SNTG1: variants seen among roughly 807,000 people sequenced by gnomAD.
SNTG1 encodes gamma-1-syntrophin.
SNTG1 carries 39 observed loss-of-function variants against 74.7 expected under a neutral mutation model. That is an observed-to-expected ratio of 0.52 (90% confidence interval 0.40 to 0.68). The LOEUF (loss-of-function observed/expected upper bound fraction) is 0.68. SNTG1 is among the 30% of genes least tolerant of loss of function. The pLI is 0.00. For synonymous variants in SNTG1, 254 were observed against 217.1 expected, an observed-to-expected ratio of 1.17 and a Z score of -1.49; for missense variants, 685 against 609.5, an observed-to-expected ratio of 1.12 and a Z score of -1.30.
intron 2 of SNTG1, among the ~76,000 whole-genome samples, chr8:50,352,591 A>G (rs1354763503): frequency 6.6e-6 from 1 of 151,838 alleles, no homozygotes; most frequent in Non-Finnish European, 1.5e-5. Flanking sequence ...GGTTTTCACC[A>G]TGTTAGTCAG....
chr8:50,153,893 G>T lies in SNTG1; in HGVS notation c.-102-18668G>T, dbSNP rs186564304. 1.1e-3 allele frequency among the ~76,000 whole-genome samples: 174 copies of T among 152,176 alleles called. 2 individuals carry two copies. Among genetic ancestry groups the T allele is most frequent in the African/African-American group, 4.0e-3 (166 of 41,548 alleles). ...GGCAGTCTGTCTGTTCTCAGATATCGAACTCCTGCTGGGAGAACCACTACT... is the reference window on the plus strand; with the variant it reads ...GGCAGTCTGTCTGTTCTCAGATATCTAACTCCTGCTGGGAGAACCACTACT... On this transcript the variant is annotated intron_variant, in intron 1 of 18. Transcript: ENST00000642720.
Position 50,400,020 on chromosome 8 carries a change from G to C in SNTG1, c.28-2190G>C, listed in dbSNP as rs76000474. Among the ~76,000 whole-genome samples, 11 of 152,284 alleles carry C rather than the reference G, an allele frequency of 7.2e-5. No individual in the cohort carries two copies. The East Asian group carries it at 2.1e-3, about 29-fold the overall frequency. On this transcript the variant is annotated intron_variant, in intron 3 of 18. Coordinates refer to ENST00000642720, the MANE Select transcript of SNTG1 (RefSeq NM_018967.5). ...ATAATATAAGAGTGTATATGATAGA[G>C]GGCAAAAGAGTGTGCATCAGCACAC...
intron 2 of SNTG1, among the ~76,000 whole-genome samples, chr8:50,230,700 C>CA (rs1265353379): frequency 1.3e-5 from 2 of 151,276 alleles, no homozygotes; most frequent in African/African-American, 2.4e-5. Context: ...TATCCACATG[C>CA]AAAAAATCAG....
chr8:50,423,514 T>G (rs960279745), intron 4 of SNTG1, among the ~76,000 whole-genome samples: 1 of 152,222 alleles, frequency 6.6e-6, no homozygotes, highest in African/African-American at 2.4e-5. Flanking sequence ...TTAACTCAAG[T>G]TAACTTCTTT....
At chr8:50,438,911 T>C (rs1271493968) in intron 5 of SNTG1, among the ~76,000 whole-genome samples, 1 of 152,074 alleles carries the variant, frequency 6.6e-6, no homozygotes, top group African/African-American at 2.4e-5. Flanking sequence ...CCAACTGGAG[T>C]AGGAAATGAT....
intron 2 of SNTG1, among the ~76,000 whole-genome samples, chr8:50,373,775 T>C (rs991784675): frequency 7.2e-5 from 11 of 152,220 alleles, no homozygotes; most frequent in Admixed American, 6.5e-4. Context: ...ATTCCATATC[T>C]GTTCATGGTG....
chr8:50,305,082 T>C (rs2130702823), intron 2 of SNTG1, among the ~76,000 whole-genome samples: 1 of 151,868 alleles, frequency 6.6e-6, no homozygotes, highest in Middle Eastern at 3.4e-3. Flanking sequence ...TTTGTATTTT[T>C]TGGAGATGGG....
intron 15 of SNTG1, among the ~76,000 whole-genome samples, chr8:50,666,338 G>C (rs553968949): frequency 6.6e-6 from 1 of 152,180 alleles, no homozygotes; most frequent in African/African-American, 2.4e-5. Flanking sequence ...ATGCAGCAGA[G>C]GATTCTGAAC....
At chr8:50,727,655 T>A (rs16915358) in intron 17 of SNTG1, among the ~76,000 whole-genome samples, 6,706 of 152,222 alleles carry the variant, frequency 0.044, 389 homozygotes, top group African/African-American at 0.12. Context: ...AGGCCATAAC[T>A]GACAAGCATC....
intron 1 of SNTG1, among the ~76,000 whole-genome samples, chr8:50,094,160 C>T (rs1352037014): frequency 6.6e-6 from 1 of 151,892 alleles, no homozygotes; most frequent in Non-Finnish European, 1.5e-5. Context: ...ATAAGTAGCA[C>T]TGAGGACACA....
chr8:50,376,889 C>T (rs2092398255), intron 2 of SNTG1, among the ~76,000 whole-genome samples: 1 of 151,678 alleles, frequency 6.6e-6, no homozygotes, highest in Non-Finnish European at 1.5e-5. Context: ...TTGTCTTGTG[C>T]TCTTTACATG....
chr8:50,493,250 T>C (rs1253916523), intron 8 of SNTG1, among the ~76,000 whole-genome samples: 2 of 152,176 alleles, frequency 1.3e-5, no homozygotes, highest in East Asian at 3.8e-4. Context: ...ATCCTTTAGA[T>C]GATATATTCT....
At chr8:50,148,991 T>C (rs551758336) in intron 1 of SNTG1, among the ~76,000 whole-genome samples, 4 of 152,200 alleles carry the variant, frequency 2.6e-5, no homozygotes, top group South Asian at 4.1e-4. Flanking sequence ...TCCACAATGG[T>C]TGAATTAGTT....
intron 2 of SNTG1, among the ~76,000 whole-genome samples, chr8:50,179,957 A>C (rs1243455523): frequency 6.6e-6 from 1 of 152,244 alleles, no homozygotes; most frequent in African/African-American, 2.4e-5. Flanking sequence ...TGAAATCAGC[A>C]TCTGGTAGAA....
At chr8:50,094,753 T>C (rs2079865513) in intron 1 of SNTG1, among the ~76,000 whole-genome samples, 1 of 152,174 alleles carries the variant, frequency 6.6e-6, no homozygotes, top group Admixed American at 6.5e-5. Context: ...TTTGGAGATT[T>C]CTCAAAGGAT....
At chr8:50,733,562 T>G (rs1220580731) in intron 17 of SNTG1, among the ~76,000 whole-genome samples, 1 of 151,988 alleles carries the variant, frequency 6.6e-6, no homozygotes, top group Non-Finnish European at 1.5e-5. Flanking sequence ...TGTATAACAC[T>G]CTCTTTTCTC....
At chr8:50,580,673 T>C (rs1409221463) in intron 12 of SNTG1, among the ~76,000 whole-genome samples, 6 of 152,214 alleles carry the variant, frequency 3.9e-5, no homozygotes, top group Admixed American at 3.3e-4. Flanking sequence ...TTCTCCTTGC[T>C]GCCACAATAT....
intron 2 of SNTG1, among the ~76,000 whole-genome samples, chr8:50,259,488 G>T (rs2087047775): frequency 9.4e-6 from 1 of 106,358 alleles, no homozygotes. Context: ...GACAGAGAGA[G>T]ACGCTGTCTC....
intron 13 of SNTG1, among the ~76,000 whole-genome samples, chr8:50,621,137 A>G (rs1379039007): frequency 6.6e-6 from 1 of 151,208 alleles, no homozygotes; most frequent in Non-Finnish European, 1.5e-5. Context: ...GTATAGTCAT[A>G]ATTTTATATG....
Sources: gnomAD v4.1 joint callset for allele counts (sites outside exome capture counted in the v4.1 genomes callset) on GRCh38, gnomAD v4.1.1 for gene constraint, MANE v1.5 for transcripts, NCBI Gene and HGNC (gene_info 2026-07-23, HGNC 2026-07-21) for gene names.